DROSHA: variants seen among roughly 807,000 people sequenced by gnomAD.
The protein encoded by DROSHA is drosha ribonuclease III.
A neutral mutation model predicts 181.9 loss-of-function variants in DROSHA; 56 were observed. The ratio of observed to expected loss-of-function variants is 0.31; its 90% CI spans 0.25 to 0.38. The LOEUF (loss-of-function observed/expected upper bound fraction) is 0.38. Among genes scored for constraint, DROSHA ranks in the 10% least tolerant of loss-of-function variants. DROSHA has a pLI of 1.00. For synonymous variants in DROSHA, 524 were observed against 591.2 expected, an observed-to-expected ratio of 0.89 and a Z score of 1.65; for missense variants, 1,218 against 1,743.5, an observed-to-expected ratio of 0.70 and a Z score of 5.37.
At chr5:31,510,379 T>C (rs558230230) in intron 9 of DROSHA, among the ~76,000 whole-genome samples, 1 of 152,290 alleles carries the variant, frequency 6.6e-6, no homozygotes, top group Admixed American at 6.5e-5. Flanking sequence ...CCAGTATGGA[T>C]AACTGCCTCT....
At chr5:31,484,362 C>A in intron 15 of DROSHA, among the ~76,000 whole-genome samples, 1 of 99,724 alleles carries the variant, frequency 1.0e-5, no homozygotes, top group African/African-American at 4.7e-5. Flanking sequence ...GCCTGGGCGA[C>A]AGAGCGAGAC....
chr5:31,484,494 T>TGCGTGTGC (rs1445192290), intron 15 of DROSHA, among the ~76,000 whole-genome samples: 1 of 7,998 alleles, frequency 1.3e-4, no homozygotes, highest in East Asian at 0.015. Flanking sequence ...TCTAAGTGTC[T>TGCGTGTGC]GCGTGTGTGC....
chr5:31,515,712 C>A (rs1247077697), intron 6 of DROSHA, 148 bp from the exon 7 acceptor site: 4 of 1,144,696 alleles, frequency 3.5e-6, no homozygotes, highest in Admixed American at 5.5e-5. Context: ...CTCAATATGG[C>A]CATAAATTTG....
intron 20 of DROSHA, 53 bp from the exon 21 acceptor site, chr5:31,451,693 C>T (rs903807321): frequency 2.9e-6 from 4 of 1,397,036 alleles, no homozygotes; most frequent in Non-Finnish European, 4.0e-6. Context: ...TATAAAGTCA[C>T]TTCATTTATT....
At chr5:31,484,708 A>C (rs1427715585) in intron 15 of DROSHA, among the ~76,000 whole-genome samples, 173 bp downstream of exon 15, 1 of 152,222 alleles carries the variant, frequency 6.6e-6, no homozygotes, top group East Asian at 1.9e-4. Context: ...AAATCCATAG[A>C]AACTTATTCA....
At position 31,526,103 on chromosome 5, in the gene DROSHA, C is replaced by G. The variant is rs756928342; in HGVS notation, c.830G>C (p.Arg277Pro). The G allele has an allele frequency of 2.8e-5, 45 of 1,597,216 alleles. No individual in the cohort carries two copies. The highest frequency in any genetic ancestry group is 3.8e-5 in the Non-Finnish European group (44 of 1,166,932). ...CCTGCTCCGTTCGTAGCTGCGGTGG[C>G]GAGATGGTGTTCTCCCTCGGTCATA... ...SDYDRGRTPS[R>P]HRSYERSRER... is the part of the protein sequence containing the mutation. The change falls in exon 5 of 36, where the codon CGC (arginine) becomes CCC (proline). Residue 277 changes from arginine (R) to proline (P), a missense_variant. This residue lies in a region of DROSHA where 536 missense variants were observed against 535.4 expected (regional missense o/e 1.00). Coordinates refer to ENST00000344624, the MANE Select transcript of DROSHA (RefSeq NM_001382508.1).
intron 35 of DROSHA, among the ~76,000 whole-genome samples, chr5:31,403,424 TAC>T (rs938559666): frequency 6.6e-5 from 10 of 151,924 alleles, no homozygotes; most frequent in Non-Finnish European, 8.8e-5. Flanking sequence ...TACATATATA[TAC>T]ACACACACAC....
chr5:31,422,650 C>T, intron 29 of DROSHA, 137 bp downstream of exon 29: 1 of 1,050,786 alleles, frequency 9.5e-7, no homozygotes, highest in Non-Finnish European at 1.4e-6. Flanking sequence ...TGAGGTCTGT[C>T]TGCTCACCCA....
chr5:31,404,910 T>C (rs1356315240), intron 35 of DROSHA, among the ~76,000 whole-genome samples: 1 of 152,332 alleles, frequency 6.6e-6, no homozygotes, highest in East Asian at 1.9e-4. Context: ...AGCTGTTTTC[T>C]ATAATCTGCA....
At chr5:31,436,393 CT>C (rs5867078) in intron 24 of DROSHA, among the ~76,000 whole-genome samples, 43,703 of 132,772 alleles carry the variant, frequency 0.33, 6,817 homozygotes, top group East Asian at 0.64. Flanking sequence ...GCCCCTATTC[CT>C]TTTTTTTTTT....
intron 16 of DROSHA, among the ~76,000 whole-genome samples, chr5:31,478,351 G>A (rs190435705): frequency 1.3e-5 from 2 of 152,334 alleles, no homozygotes; most frequent in African/African-American, 2.4e-5. Flanking sequence ...GAAAGTTTAC[G>A]AATTTGTGAT....
chr5:31,426,207 C>A (rs1743450595), intron 27 of DROSHA, among the ~76,000 whole-genome samples: 1 of 152,036 alleles, frequency 6.6e-6, no homozygotes, highest in Admixed American at 6.6e-5. Flanking sequence ...CCCATAGACA[C>A]CGAGATAGGG....
chr5:31,472,857 C>A (rs953207401), intron 16 of DROSHA, among the ~76,000 whole-genome samples: 5 of 152,110 alleles, frequency 3.3e-5, no homozygotes, highest in Non-Finnish European at 7.3e-5. Flanking sequence ...AAGCATATAG[C>A]ACCAAGTACA....
At chr5:31,439,700 T>C (rs1369685990) in intron 23 of DROSHA, among the ~76,000 whole-genome samples, 1 of 152,194 alleles carries the variant, frequency 6.6e-6, no homozygotes, top group Non-Finnish European at 1.5e-5. Flanking sequence ...TTTGGTTTTA[T>C]GCACTCACTA....
chr5:31,410,823 T>C lies in DROSHA; in HGVS notation c.3590A>G (p.Gln1197Arg), dbSNP rs1561116631. ...QAKVAEELGM[Q>R]EYAITNDKTK... is the part of the protein sequence containing the mutation. ...CTTGTCGTTGGTTATGGCGTACTCC[T>C]GCATGCCCAGCTCCTCCGCTACCTT... The change falls in exon 31 of 36, where the codon CAG becomes CGG. Residue 1197 changes from glutamine (Q) to arginine (R), a missense_variant. Gln to Arg is a conservative substitution (Grantham distance 43). This residue lies in a region of DROSHA where 47 missense variants were observed against 70.6 expected (regional missense o/e 0.67). Transcript: ENST00000344624. 6.2e-7 allele frequency: 1 copy of C among 1,614,006 alleles called. No homozygotes were observed. The highest frequency in any genetic ancestry group is 8.5e-7 in the Non-Finnish European group (1 of 1,179,846).
chr5:31,506,411 C>T (rs1580332710), intron 10 of DROSHA, among the ~76,000 whole-genome samples: 1 of 150,810 alleles, frequency 6.6e-6, no homozygotes, highest in South Asian at 2.1e-4. Flanking sequence ...GGTGCAATAG[C>T]TCATGCCTGT....
rs1272658647 is a variant in DROSHA, at chr5:31,499,751, G to C, written c.1669-4379C>G. Among the ~76,000 whole-genome samples, 4 of 152,208 alleles carry C rather than the reference G, an allele frequency of 2.6e-5. No homozygotes were observed. In the East Asian group the frequency reaches 5.8e-4, roughly 22 times the overall value. On this transcript the variant is annotated intron_variant, in intron 11 of 35. Transcript: ENST00000344624. ...TTTCTGATTCAGTGGCTGGGATGGG[G>C]TAAGAATCTGCCTTTCTAACAAGTT...
rs1739150057 is a variant in DROSHA, at chr5:31,515,275, C to T, written c.1059-56G>A. On this transcript the variant is annotated intron_variant, in intron 7 of 35. Transcript: ENST00000344624. ...TAAAAATACTCTTCCACTGTAAAAA[C>T]TATTCTATTTCACCTATTTGGTGCA... The T allele has an allele frequency of 2.0e-6, 3 of 1,536,914 alleles. No individual in the cohort carries two copies. The Admixed American group carries it at 6.2e-5, about 32-fold the overall frequency.
intron 16 of DROSHA, among the ~76,000 whole-genome samples, chr5:31,479,691 T>C (rs1750798141): frequency 6.6e-6 from 1 of 152,148 alleles, no homozygotes; most frequent in Admixed American, 6.5e-5. Flanking sequence ...TAGATATATA[T>C]ATATTCATGA....
Sources: allele counts gnomAD v4.1 joint callset (sites outside exome capture counted in the v4.1 genomes callset), GRCh38; gene constraint gnomAD v4.1.1; regional missense constraint gnomAD v4.1.1; transcripts MANE v1.5; gene names NCBI Gene and HGNC (gene_info 2026-07-23, HGNC 2026-07-21).